The following CEP128 variants were observed in gnomAD, a reference collection of about 807,000 sequenced individuals.
CEP128 encodes the protein centrosomal protein 128kDa.
Under a neutral mutation model 156.7 loss-of-function variants are expected in CEP128, and 132 were observed. The observed-to-expected ratio is 0.84, with a 90% confidence interval of 0.73 to 0.97. The LOEUF (loss-of-function observed/expected upper bound fraction) is 0.97, where lower values mean the gene tolerates loss of function less well. Ranked by LOEUF, CEP128 falls within the 50% of genes least tolerant of loss-of-function variation. The probability of loss-of-function intolerance (pLI) is 0.00; values close to 1 mark genes in which losing one functional copy is unlikely to be tolerated. For synonymous variants in CEP128, 469 were observed against 448.9 expected (o/e 1.04, Z -0.57); for missense variants, 1,252 against 1,281.9 (o/e 0.98, Z 0.36).
exon 15 of CEP128, chr14:80,477,997 A>T (rs1323713783): frequency 1.3e-5 from 2 of 152,114 alleles, no homozygotes; most frequent in Non-Finnish European, 2.9e-5. Flanking sequence ...CACTCAAAAG[A>T]AAAGCTCCCC....
At position 80,905,937 on chromosome 14, in the gene CEP128, A is replaced by G; in HGVS notation, c.361+18T>C. ...CAAAAATATTTTTAATGTTTTTCAGAACATTTGAAGTGTTTACCTGACCCA... is the reference window on the plus strand; with the variant it reads ...CAAAAATATTTTTAATGTTTTTCAGGACATTTGAAGTGTTTACCTGACCCA... On this transcript the variant is annotated intron_variant, in intron 5 of 24. Coordinates refer to ENST00000555265, the MANE Select transcript of CEP128 (RefSeq NM_152446.5). 1 of 1,603,138 alleles carries G rather than the reference A, an allele frequency of 6.2e-7. No homozygotes were observed. Among genetic ancestry groups the G allele is most frequent in the South Asian group, 1.1e-5 (1 of 88,026 alleles).
chr14:80,949,921 C>T (rs1019136764), intron 2 of CEP128, among the ~76,000 whole-genome samples: 1 of 152,082 alleles, frequency 6.6e-6, no homozygotes, highest in African/African-American at 2.4e-5. Flanking sequence ...CAAACAAGGA[C>T]ACTGTTGTAT....
chr14:80,667,583 G>A (rs1895668323), intron 19 of CEP128, among the ~76,000 whole-genome samples: 1 of 152,280 alleles, frequency 6.6e-6, no homozygotes, highest in East Asian at 1.9e-4. Context: ...TCGAGGCCGG[G>A]TGCGGTGGCT....
chr14:80,596,258 G>A (rs1410159792), intron 19 of CEP128, among the ~76,000 whole-genome samples: 1 of 152,086 alleles, frequency 6.6e-6, no homozygotes, highest in Non-Finnish European at 1.5e-5. Context: ...AAAGTGTAAT[G>A]ATATAGGTTA....
intron 16 of CEP128, among the ~76,000 whole-genome samples, chr14:80,767,811 T>C (rs558554064): frequency 3.9e-5 from 6 of 152,274 alleles, no homozygotes; most frequent in East Asian, 1.9e-4. Context: ...ACTGGCCATA[T>C]GATTTGATGC....
chr14:80,701,575 T>C (rs977866207), intron 19 of CEP128, among the ~76,000 whole-genome samples: 1 of 150,934 alleles, frequency 6.6e-6, no homozygotes, highest in African/African-American at 2.5e-5. Context: ...TTCCTGGGCA[T>C]CAAGGAGGTT....
intron 19 of CEP128, among the ~76,000 whole-genome samples, chr14:80,672,426 T>C (rs1895881527): frequency 6.6e-6 from 1 of 152,106 alleles, no homozygotes; most frequent in African/African-American, 2.4e-5. Flanking sequence ...ATCTAATTTC[T>C]ATAAAATGCA....
chr14:80,584,424 G>C (rs1315077606), intron 19 of CEP128, among the ~76,000 whole-genome samples: 1 of 152,072 alleles, frequency 6.6e-6, no homozygotes, highest in Non-Finnish European at 1.5e-5. Context: ...GAGATTACAG[G>C]TGTGAGCCAC....
intron 2 of CEP128, among the ~76,000 whole-genome samples, chr14:80,919,819 C>T (rs528179767): frequency 7.9e-5 from 12 of 152,236 alleles, no homozygotes; most frequent in African/African-American, 2.2e-4. Flanking sequence ...TCACAAGTTC[C>T]GGCATGAGTT....
intron 19 of CEP128, among the ~76,000 whole-genome samples, chr14:80,619,405 C>CAA (rs1491028065): frequency 1.3e-5 from 2 of 150,232 alleles, no homozygotes; most frequent in African/African-American, 2.4e-5. Context: ...CACACACACA[C>CAA]AAATAGAAAA....
At chr14:80,626,849 G>C (rs1172238578) in intron 19 of CEP128, among the ~76,000 whole-genome samples, 2 of 152,150 alleles carry the variant, frequency 1.3e-5, no homozygotes, top group African/African-American at 4.8e-5. Flanking sequence ...AGAATCGCTT[G>C]AACCCAGGAG....
intron 20 of CEP128, among the ~76,000 whole-genome samples, chr14:80,562,466 T>A (rs2140379550): frequency 6.6e-6 from 1 of 152,222 alleles, no homozygotes; most frequent in Admixed American, 6.5e-5. Context: ...TAAAGAGAAA[T>A]TACTAGTCTT....
chr14:80,929,736 T>C (rs1316792246), intron 2 of CEP128, among the ~76,000 whole-genome samples: 1 of 151,296 alleles, frequency 6.6e-6, no homozygotes, highest in African/African-American at 2.4e-5. Context: ...TGAGAGGGGG[T>C]TGAGGGATGA....
At chr14:80,667,283 A>T (rs1250333695) in intron 19 of CEP128, among the ~76,000 whole-genome samples, 1 of 152,200 alleles carries the variant, frequency 6.6e-6, no homozygotes, top group Non-Finnish European at 1.5e-5. Context: ...AGGCAGCTAC[A>T]CACCTTAAAA....
At position 80,662,088 on chromosome 14, in the gene CEP128, G is replaced by A. The variant is rs201426513; in HGVS notation, c.2806+80987C>T. Among the ~76,000 whole-genome samples the A allele has an allele frequency of 4.6e-5, 7 of 152,248 alleles. No individual in the cohort carries two copies. The East Asian group carries it at 7.7e-4, about 17-fold the overall frequency. On this transcript the variant is annotated intron_variant, in intron 19 of 24. Coordinates refer to ENST00000555265, the MANE Select transcript of CEP128 (RefSeq NM_152446.5). ...GAGCAACATGATCTCAGCTGAATGC[G>A]TGGGAAACATAGCACTGAGAAAATT...
At chr14:80,563,516 C>A (rs1324485539) in intron 20 of CEP128, among the ~76,000 whole-genome samples, 1 of 137,974 alleles carries the variant, frequency 7.2e-6, no homozygotes, top group Non-Finnish European at 1.6e-5. Flanking sequence ...ACCCATGGGC[C>A]TCCAAATCTT....
At chr14:80,573,210 C>T (rs559054326) in intron 20 of CEP128, among the ~76,000 whole-genome samples, 1 of 152,150 alleles carries the variant, frequency 6.6e-6, no homozygotes, top group Non-Finnish European at 1.5e-5. Flanking sequence ...TAGGCATGAG[C>T]CACCTCGCCC....
At chr14:80,591,291 CA>C (rs1892054802) in intron 19 of CEP128, among the ~76,000 whole-genome samples, 1 of 149,536 alleles carries the variant, frequency 6.7e-6, no homozygotes, top group African/African-American at 2.5e-5. Flanking sequence ...CACGTAGGCT[CA>C]AAATAAAGGG....
intron 19 of CEP128, among the ~76,000 whole-genome samples, chr14:80,662,077 C>T (rs549851998): frequency 1.3e-5 from 2 of 152,256 alleles, no homozygotes; most frequent in South Asian, 2.1e-4. Flanking sequence ...AACATGATCT[C>T]AGCTGAATGC....
Sources: gnomAD v4.1 joint callset for allele counts (sites outside exome capture counted in the v4.1 genomes callset) on GRCh38, gnomAD v4.1.1 for gene constraint, MANE v1.5 for transcripts, NCBI Gene and HGNC (gene_info 2026-07-23, HGNC 2026-07-21) for gene names.